Variants in CDH18 observed in about 807,000 individuals in gnomAD.
The protein encoded by CDH18 is cadherin-18.
CDH18 carries 31 observed loss-of-function variants against 67.9 expected under a neutral mutation model. That is an observed-to-expected ratio of 0.46 (90% CI 0.34 to 0.62). CDH18 has a LOEUF of 0.62. Ranked by LOEUF, CDH18 falls within the 20% of genes least tolerant of loss-of-function variation. The pLI is 0.01. For missense variants in CDH18, 890 were observed against 975.5 expected, an observed-to-expected ratio of 0.91 and a Z score of 1.17; for synonymous variants, 362 against 347.2, an observed-to-expected ratio of 1.04 and a Z score of -0.48.
intron 1 of CDH18, among the ~76,000 whole-genome samples, chr5:20,426,735 G>A (rs1748331019): frequency 6.6e-6 from 1 of 150,850 alleles, no homozygotes; most frequent in Admixed American, 6.6e-5. Flanking sequence ...AAGCTTTATG[G>A]CATTATTATT....
chr5:19,556,523 A>T (rs1055255700), intron 8 of CDH18, among the ~76,000 whole-genome samples: 3 of 152,104 alleles, frequency 2.0e-5, no homozygotes, highest in African/African-American at 7.2e-5. Context: ...AGAAGAAAAA[A>T]CTTTAGAACT....
chr5:20,379,390 G>C (rs1300621237), intron 1 of CDH18, among the ~76,000 whole-genome samples: 1 of 152,124 alleles, frequency 6.6e-6, no homozygotes, highest in Admixed American at 6.5e-5. Context: ...GCCAACTTCA[G>C]TTTCTCCTGA....
rs572583971 is a variant in CDH18, at chr5:20,383,919, C to A, written c.-579-128414G>T. Among the ~76,000 whole-genome samples, 3 of 152,034 alleles carry A rather than the reference C, an allele frequency of 2.0e-5. No individual in the cohort carries two copies. In the East Asian group the frequency reaches 5.8e-4, roughly 29 times the overall value. ...GGAATTGATATATAAGTGACAATATCACAACCAGACAAGAATGACTTATGA... is the reference window on the plus strand; with the variant it reads ...GGAATTGATATATAAGTGACAATATAACAACCAGACAAGAATGACTTATGA... On this transcript the variant is annotated intron_variant, in intron 1 of 14. Coordinates refer to the CDH18 transcript ENST00000507958.
chr5:19,485,342 G>T (rs963006706), intron 11 of CDH18, among the ~76,000 whole-genome samples: 1 of 151,362 alleles, frequency 6.6e-6, no homozygotes, highest in Non-Finnish European at 1.5e-5. Flanking sequence ...TGCAAGCTCA[G>T]CCTCCCGAGT....
intron 3 of CDH18, among the ~76,000 whole-genome samples, chr5:19,822,559 T>C (rs1779982624): frequency 6.6e-6 from 1 of 152,110 alleles, no homozygotes; most frequent in African/African-American, 2.4e-5. Flanking sequence ...AGACATCACA[T>C]GTCAGTAGGT....
At chr5:19,533,199 G>C (rs751994662) in intron 9 of CDH18, among the ~76,000 whole-genome samples, 1 of 152,174 alleles carries the variant, frequency 6.6e-6, no homozygotes, top group Non-Finnish European at 1.5e-5. Context: ...AGCCAATGAA[G>C]GATGGAGTTA....
intron 1 of CDH18, among the ~76,000 whole-genome samples, chr5:20,435,156 C>T (rs1024078390): frequency 5.9e-5 from 9 of 152,148 alleles, no homozygotes; most frequent in Middle Eastern, 3.4e-3. Context: ...CACATAACCT[C>T]AAGCTCAAAT....
chr5:19,748,249 G>T (rs1161185635), intron 3 of CDH18, among the ~76,000 whole-genome samples: 1 of 145,572 alleles, frequency 6.9e-6, no homozygotes, highest in African/African-American at 2.5e-5. Flanking sequence ...TTAATTAATT[G>T]AAATACAGTA....
At chr5:19,618,170 A>G (rs1319752642) in intron 5 of CDH18, among the ~76,000 whole-genome samples, 2 of 151,836 alleles carry the variant, frequency 1.3e-5, no homozygotes, top group African/African-American at 4.8e-5. Context: ...GGTTCCTTCT[A>G]TGTCTAAACT....
chr5:19,519,658 C>T (rs754078811), intron 10 of CDH18, among the ~76,000 whole-genome samples: 12 of 152,152 alleles, frequency 7.9e-5, no homozygotes, highest in Non-Finnish European at 1.5e-5. Flanking sequence ...GATTACATTA[C>T]ATTATATGAG....
intron 2 of CDH18, among the ~76,000 whole-genome samples, chr5:20,099,675 A>T (rs1466124074): frequency 6.6e-6 from 1 of 152,200 alleles, no homozygotes; most frequent in Non-Finnish European, 1.5e-5. Context: ...CTACATATCA[A>T]ATAACAGGAA....
intron 1 of CDH18, among the ~76,000 whole-genome samples, chr5:20,401,244 G>A (rs917543099): frequency 6.6e-6 from 1 of 152,120 alleles, no homozygotes; most frequent in Admixed American, 6.6e-5. Context: ...TTATACTTAT[G>A]CTTAAGTAGT....
At chr5:19,603,459 T>C (rs1294017921) in intron 6 of CDH18, among the ~76,000 whole-genome samples, 3 of 152,240 alleles carry the variant, frequency 2.0e-5, no homozygotes, top group Non-Finnish European at 2.9e-5. Flanking sequence ...CACAACAATA[T>C]GAATATACGT....
chr5:19,851,643 G>A (rs1244565214), intron 2 of CDH18, among the ~76,000 whole-genome samples: 1 of 151,738 alleles, frequency 6.6e-6, no homozygotes, highest in Admixed American at 6.6e-5. Flanking sequence ...TGCATTTTAT[G>A]TCTCTTGTAT....
chr5:19,646,576 C>T (rs1157000747), intron 5 of CDH18, among the ~76,000 whole-genome samples: 3 of 151,994 alleles, frequency 2.0e-5, no homozygotes, highest in Admixed American at 6.6e-5. Flanking sequence ...CTGACCTCGT[C>T]GTGATCCACC....
chr5:20,538,909 G>GTTTTTTTTTTTTTTTTTTT (rs35247774), intron 1 of CDH18, among the ~76,000 whole-genome samples: 10 of 118,730 alleles, frequency 8.4e-5, no homozygotes, highest in African/African-American at 3.3e-4. Context: ...TTTTTTTTTT[G>GTTTTTTTTTTTTTTTTTTT]TTTTTTTTTT....
At chr5:19,659,309 T>A (rs993100912) in intron 5 of CDH18, among the ~76,000 whole-genome samples, 9 of 152,114 alleles carry the variant, frequency 5.9e-5, no homozygotes, top group Admixed American at 5.9e-4. Context: ...TTAAAATGAT[T>A]CTGAACATTT....
intron 1 of CDH18, among the ~76,000 whole-genome samples, chr5:20,350,237 G>T (rs1222654127): frequency 6.6e-6 from 1 of 151,900 alleles, no homozygotes. Flanking sequence ...TACAGCACCA[G>T]GCTTTTCAAT....
At chr5:20,182,228 A>G (rs967354348) in intron 2 of CDH18, among the ~76,000 whole-genome samples, 1 of 151,990 alleles carries the variant, frequency 6.6e-6, no homozygotes, top group Non-Finnish European at 1.5e-5. Context: ...ATATCACTTC[A>G]ACTTCACTTG....
Sources: gnomAD v4.1 joint callset for allele counts (sites outside exome capture counted in the v4.1 genomes callset) on GRCh38, gnomAD v4.1.1 for gene constraint, MANE v1.5 for transcripts, NCBI Gene and HGNC (gene_info 2026-07-23, HGNC 2026-07-21) for gene names.